TRAK1: variants seen among roughly 807,000 people sequenced by gnomAD.
The protein encoded by TRAK1 is trafficking kinesin protein 1, also known as trafficking kinesin-binding protein 1.
In TRAK1, 33 loss-of-function variants were observed where a neutral mutation model predicts 92.1. The observed-to-expected ratio is 0.36, with a 90% CI of 0.27 to 0.48. The LOEUF (loss-of-function observed/expected upper bound fraction) is 0.48. TRAK1 is among the 20% of genes least tolerant of loss of function. The pLI is 0.99. For synonymous variants in TRAK1, 521 were observed against 517.3 expected, an observed-to-expected ratio of 1.01 and a Z score of -0.10; for missense variants, 1,123 against 1,257.9, an observed-to-expected ratio of 0.89 and a Z score of 1.62.
intron 1 of TRAK1, among the ~76,000 whole-genome samples, chr3:42,110,183 A>T (rs1708198350): frequency 6.7e-6 from 1 of 148,224 alleles, no homozygotes; most frequent in Non-Finnish European, 1.5e-5. Context: ...GGAGTAATGC[A>T]ACTTTGTAAC....
upstream of TRAK1, chr3:42,087,030 C>A (rs539260570): frequency 1.3e-5 from 2 of 152,344 alleles, no homozygotes; most frequent in African/African-American, 4.8e-5. Flanking sequence ...CATCCCGGGG[C>A]CCTCATTTTC....
At chr3:42,158,057 T>C (rs551141606) in intron 2 of TRAK1, among the ~76,000 whole-genome samples, 1 of 152,328 alleles carries the variant, frequency 6.6e-6, no homozygotes, top group Non-Finnish European at 1.5e-5. Context: ...ATTTTAAATA[T>C]TTTTATAATT....
At chr3:42,047,913 GTTTCT>G (rs1196090007) in intron 1 of TRAK1, among the ~76,000 whole-genome samples, 89 of 125,234 alleles carry the variant, frequency 7.1e-4, no homozygotes, top group African/African-American at 2.2e-3. Context: ...CCCCCCCATA[GTTTCT>G]TTTCTTTTTT....
chr3:42,160,596 A>G lies in TRAK1; in HGVS notation c.287-16218A>G. ...TTTTTTTTAAGTTGAGGTATAAGTTAGAGATCTTATGCAAATGGCTTAAAG... is the reference window on the plus strand; with the variant it reads ...TTTTTTTTAAGTTGAGGTATAAGTTGGAGATCTTATGCAAATGGCTTAAAG... On this transcript the variant is annotated intron_variant, in intron 2 of 15. Transcript: ENST00000327628. The G allele has an allele frequency of 2.7e-6, 3 of 1,107,826 alleles. No individual in the cohort carries two copies. In the Admixed American group the frequency reaches 8.4e-5, roughly 31 times the overall value. 68.6% of individuals were successfully genotyped at this position (1,107,826 alleles called of 1,614,324 possible).
intron 2 of TRAK1, among the ~76,000 whole-genome samples, chr3:42,128,379 G>A (rs1433703010): frequency 1.3e-5 from 2 of 152,212 alleles, no homozygotes; most frequent in East Asian, 1.9e-4. Context: ...CTTAGAGCCT[G>A]CTTGCCTCCA....
chr3:42,112,868 T>G (rs1360334970), intron 1 of TRAK1, among the ~76,000 whole-genome samples: 1 of 152,054 alleles, frequency 6.6e-6, no homozygotes, highest in Non-Finnish European at 1.5e-5. Flanking sequence ...ACTGCTGTGC[T>G]CAAGGGATCC....
intron 14 of TRAK1, chr3:42,210,975 C>T: frequency 3.0e-6 from 3 of 985,402 alleles, no homozygotes; most frequent in Non-Finnish European, 3.6e-6. Flanking sequence ...TACTGTTTAC[C>T]CCAACAGCAT....
intron 11 of TRAK1, among the ~76,000 whole-genome samples, chr3:42,199,595 A>G (rs1402390664): frequency 1.3e-5 from 2 of 152,200 alleles, no homozygotes; most frequent in Non-Finnish European, 2.9e-5. Context: ...AGCTAGGACT[A>G]CAGGCGCATG....
intron 1 of TRAK1, among the ~76,000 whole-genome samples, chr3:42,041,109 A>C (rs1428781994): frequency 1.4e-5 from 2 of 148,054 alleles, no homozygotes; most frequent in Admixed American, 6.7e-5. Flanking sequence ...TTCCACATGA[A>C]TTTTAAGACC....
chr3:42,038,803 G>GTT (rs35147167), intron 1 of TRAK1, among the ~76,000 whole-genome samples: 7,092 of 96,736 alleles, frequency 0.073, 1,275 homozygotes, highest in African/African-American at 0.3. Flanking sequence ...AAAAAAAAAA[G>GTT]TTTTTTTTTT....
At chr3:42,017,720 T>C (rs1701577530) in intron 1 of TRAK1, among the ~76,000 whole-genome samples, 1 of 152,246 alleles carries the variant, frequency 6.6e-6, no homozygotes, top group Non-Finnish European at 1.5e-5. Flanking sequence ...TGTAGTATGA[T>C]TCATTATAGT....
intron 1 of TRAK1, among the ~76,000 whole-genome samples, chr3:42,029,442 A>G (rs1000249666): frequency 2.8e-5 from 4 of 144,858 alleles, no homozygotes; most frequent in East Asian, 2.1e-4. Flanking sequence ...GGGTCTCACT[A>G]TGTTGCCCAG....
intron 14 of TRAK1, among the ~76,000 whole-genome samples, chr3:42,215,581 C>T (rs1709593456): frequency 6.6e-6 from 1 of 152,112 alleles, no homozygotes; most frequent in South Asian, 2.1e-4. Flanking sequence ...GTGACAGCAG[C>T]ATCCCACTAC....
intron 15 of TRAK1, among the ~76,000 whole-genome samples, 189 bp downstream of exon 15, chr3:42,219,785 T>TG (rs1277729993): frequency 3.5e-5 from 4 of 113,204 alleles, no homozygotes; most frequent in Non-Finnish European, 3.5e-5. Context: ...TGTTGTTATG[T>TG]GTTTTTTTTT....
chr3:42,084,448 G>A (rs1704578607), upstream of TRAK1, among the ~76,000 whole-genome samples: 2 of 152,222 alleles, frequency 1.3e-5, no homozygotes, highest in Admixed American at 1.3e-4. Flanking sequence ...TGTAAAAATA[G>A]TGTGTGAATT....
At chr3:42,080,993 A>G (rs561181164) in intron 1 of TRAK1, among the ~76,000 whole-genome samples, 3 of 151,822 alleles carry the variant, frequency 2.0e-5, no homozygotes, top group African/African-American at 7.3e-5. Context: ...TCCCACCTCA[A>G]CCTCCCTAGT....
At chr3:42,079,067 G>T (rs1704302017) in intron 1 of TRAK1, among the ~76,000 whole-genome samples, 1 of 152,188 alleles carries the variant, frequency 6.6e-6, no homozygotes, top group Admixed American at 6.5e-5. Flanking sequence ...CCCCAGTAAT[G>T]GACTCACACC....
At chr3:42,164,820 ATG>A in intron 2 of TRAK1, among the ~76,000 whole-genome samples, 1 of 152,274 alleles carries the variant, frequency 6.6e-6, no homozygotes, top group East Asian at 1.9e-4. Context: ...TCTCCTCACT[ATG>A]AGATTAAGAG....
chr3:42,078,759 A>C lies in TRAK1; in HGVS notation c.-518-8345A>C, dbSNP rs73062441. Among the ~76,000 whole-genome samples, 373 of 42,234 alleles carry C rather than the reference A, an allele frequency of 8.8e-3. 2 individuals are homozygous for C. The highest frequency in any genetic ancestry group is 0.046 in the South Asian group (29 of 632). 27.7% of individuals were successfully genotyped at this position (42,234 alleles called of 152,430 possible). ...CAGAGGGAGATTCCATCTCAAAAAA[A>C]AAAAAAAAAAAAAGAAAGAAAGAAA... On this transcript the variant is annotated intron_variant, in intron 1 of 16. Coordinates refer to the TRAK1 transcript ENST00000487159.
Sources: allele counts gnomAD v4.1 joint callset (sites outside exome capture counted in the v4.1 genomes callset), GRCh38; gene constraint gnomAD v4.1.1; transcripts MANE v1.5; gene names NCBI Gene and HGNC (gene_info 2026-07-23, HGNC 2026-07-21).